Variants in PKNOX1 observed in about 807,000 individuals in gnomAD.
PKNOX1 encodes PBX/knotted 1 homeobox 1, also known as homeobox protein PKNOX1.
In PKNOX1, 15 loss-of-function variants were observed where a neutral mutation model predicts 51.9. That is an observed-to-expected ratio of 0.29 (90% CI 0.19 to 0.45). PKNOX1 has a LOEUF of 0.45. Ranked by LOEUF, PKNOX1 falls within the 20% of genes least tolerant of loss-of-function variation. The probability of loss-of-function intolerance (pLI) is 1.00; values close to 1 mark genes in which losing one functional copy is unlikely to be tolerated. For synonymous variants in PKNOX1, 219 were observed against 211.1 expected, an observed-to-expected ratio of 1.04 and a Z score of -0.32; for missense variants, 462 against 547.5, an observed-to-expected ratio of 0.84 and a Z score of 1.56.
intron 9 of PKNOX1, 93 bp from the exon 10 acceptor site, chr21:43,028,609 G>C (rs760138277): frequency 3.4e-6 from 4 of 1,175,362 alleles, no homozygotes; most frequent in Non-Finnish European, 5.0e-6. Context: ...AGCGTGCTTC[G>C]TAGAGCAGCG....
chr21:43,022,401 G>A (rs1331723092), intron 8 of PKNOX1, among the ~76,000 whole-genome samples: 2 of 152,164 alleles, frequency 1.3e-5, no homozygotes, highest in African/African-American at 4.8e-5. Context: ...TGGCTGCCTC[G>A]GGCTCCTCAG....
At chr21:43,014,769 C>G (rs1601295231) in intron 5 of PKNOX1, among the ~76,000 whole-genome samples, 1 of 152,210 alleles carries the variant, frequency 6.6e-6, no homozygotes, top group Admixed American at 6.5e-5. Context: ...GTGGATTTCT[C>G]TATAGAATAA....
In PKNOX1 at chr21:43,010,062, A is replaced by G; in HGVS notation, c.189A>G (p.Leu63=). The change falls in exon 4 of 11, where the codon CTA becomes CTG. Residue 63 remains leucine, a synonymous_variant. Transcript: ENST00000291547. ...TTTCTTTTCTCCTCAGGCATCCACT[A>G]TTTCCATTATTAGCTTTGTTGTTTG... ...VDKQAIYRHP[L]FPLLALLFEK... is the part of the protein sequence containing the mutation. 1 of 1,555,874 alleles carries G rather than the reference A, an allele frequency of 6.4e-7. No individual in the cohort carries two copies. Among genetic ancestry groups the G allele is most frequent in the Non-Finnish European group, 8.7e-7 (1 of 1,155,082 alleles).
chr21:43,008,075 A>T (rs1979079844), intron 3 of PKNOX1, among the ~76,000 whole-genome samples: 1 of 151,860 alleles, frequency 6.6e-6, no homozygotes, highest in Non-Finnish European at 1.5e-5. Flanking sequence ...ACACACACAC[A>T]CACACACACA....
chr21:43,010,310 C>T (rs1245152622), intron 4 of PKNOX1, 86 bp downstream of exon 4: 20 of 694,486 alleles, frequency 2.9e-5, no homozygotes, highest in Non-Finnish European at 4.4e-5. Flanking sequence ...CTTTAGACTG[C>T]TTGTAGTTCT....
chr21:43,012,880 A>G lies in PKNOX1; in HGVS notation c.352-188A>G, dbSNP rs547472798. On this transcript the variant is annotated intron_variant, in intron 4 of 10. Coordinates refer to ENST00000291547, the MANE Select transcript of PKNOX1 (RefSeq NM_004571.5). ...TCTTCCCTGCACACCAGATGCAGCC[A>G]AACACCAAAGCCCAGGTCAGTGGCA... Among the ~76,000 whole-genome samples, 11 of 152,302 alleles carry G rather than the reference A, an allele frequency of 7.2e-5. No homozygotes were observed. In the East Asian group the frequency reaches 1.9e-3, roughly 27 times the overall value.
chr21:43,018,683 C>T (rs998091941), intron 7 of PKNOX1, among the ~76,000 whole-genome samples: 6 of 152,082 alleles, frequency 3.9e-5, no homozygotes, highest in Non-Finnish European at 7.4e-5. Flanking sequence ...ATGACAATGT[C>T]ATTGGGCCAG....
rs572029406 is a variant in PKNOX1 at position 43,024,182 on chromosome 21, G to A, written c.850-689G>A. On this transcript the variant is annotated intron_variant, in intron 8 of 10. Coordinates refer to ENST00000291547, the MANE Select transcript of PKNOX1 (RefSeq NM_004571.5). ...GAGATCTCACCCCAGGAAAGCCGTC[G>A]ATGGCATCAGCTTATCCCAGTGTCA... Among the ~76,000 whole-genome samples the A allele has an allele frequency of 4.6e-5, 7 of 152,228 alleles. No individual in the cohort carries two copies. The South Asian group carries it at 1.5e-3, about 32-fold the overall frequency.
intron 5 of PKNOX1, among the ~76,000 whole-genome samples, chr21:43,014,065 A>G (rs947939654): frequency 3.2e-5 from 4 of 123,462 alleles, no homozygotes; most frequent in Admixed American, 1.0e-4. Flanking sequence ...TCCATCACCC[A>G]GGCTGGAGTG....
intron 1 of PKNOX1, among the ~76,000 whole-genome samples, chr21:42,985,310 TTTTG>T (rs1208790578): frequency 3.9e-5 from 6 of 151,984 alleles, no homozygotes; most frequent in Non-Finnish European, 7.4e-5. Context: ...CTGTTCCTTT[TTTTG>T]TTTGTTTTTT....
chr21:43,021,563 T>TG lies in PKNOX1; in HGVS notation c.849+133dup. ...GCCTGACTTTCAGGACTTTGTGGCA[T>TG]GTCCATAATGTGGGGAGCGTGGGGC... On this transcript the variant is annotated intron_variant, in intron 8 of 10. Coordinates refer to ENST00000291547, the MANE Select transcript of PKNOX1 (RefSeq NM_004571.5). This position sits in a 1 kb window ranked among gnomAD's most constrained non-coding sequence, Gnocchi z 4.6. 9.1e-7 allele frequency: 1 copy of TG among 1,095,448 alleles called. No individual in the cohort carries two copies. The highest frequency in any genetic ancestry group is 1.3e-6 in the Non-Finnish European group (1 of 780,854). The allele number at this position is 1,095,448 out of a possible 1,614,324, so 67.9% of individuals were successfully genotyped here. A position where few individuals can be genotyped will look rare whatever the true frequency, so the allele number is the denominator to read the frequency against.
chr21:43,023,065 G>A (rs555991318), intron 8 of PKNOX1, among the ~76,000 whole-genome samples: 8 of 151,920 alleles, frequency 5.3e-5, no homozygotes, highest in African/African-American at 1.2e-4. Context: ...CCTGTGGGGC[G>A]TCCTCAGTCC....
chr21:43,001,307 G>C (rs1431731412), intron 1 of PKNOX1, among the ~76,000 whole-genome samples: 1 of 152,228 alleles, frequency 6.6e-6, no homozygotes, highest in Non-Finnish European at 1.5e-5. Context: ...CGTGTTGCAA[G>C]GGTGTACCTG....
rs767917381 is a variant in PKNOX1 at position 43,021,491 on chromosome 21, T to A, written c.849+60T>A. ...CCTCTGCGACGCTTGCTCTCTGGCT[T>A]ATGTGTCATGGAAAAGGGTTACTTC... On this transcript the variant is annotated intron_variant, in intron 8 of 10. Coordinates refer to ENST00000291547, the MANE Select transcript of PKNOX1 (RefSeq NM_004571.5). This position sits in a 1 kb window ranked among gnomAD's most constrained non-coding sequence, Gnocchi z 4.6. 2.1e-5 allele frequency: 32 copies of A among 1,511,490 alleles called. No homozygotes were observed. The highest frequency in any genetic ancestry group is 2.8e-5 in the Non-Finnish European group (32 of 1,125,400). 93.6% of individuals were successfully genotyped at this position (1,511,490 alleles called of 1,614,324 possible).
chr21:42,987,404 A>AAAAAAAAAAAAAATAT, intron 1 of PKNOX1, among the ~76,000 whole-genome samples: 2 of 41,410 alleles, frequency 4.8e-5, no homozygotes, highest in African/African-American at 1.9e-4. Flanking sequence ...AAAAAAAAAA[A>AAAAAAAAAAAAAATAT]ATATATATAT....
At chr21:42,984,890 G>A (rs1002692866) in intron 1 of PKNOX1, among the ~76,000 whole-genome samples, 1 of 103,960 alleles carries the variant, frequency 9.6e-6, no homozygotes, top group Non-Finnish European at 2.0e-5. Flanking sequence ...AGTGCTGTGT[G>A]CCCAGTGTAG....
At chr21:42,985,363 C>A (rs1389920934) in intron 1 of PKNOX1, among the ~76,000 whole-genome samples, 1 of 152,042 alleles carries the variant, frequency 6.6e-6, no homozygotes, top group African/African-American at 2.4e-5. Context: ...GAGACGGAGT[C>A]TCACTCTGTC....
chr21:43,013,739 G>C (rs554776442), intron 5 of PKNOX1, among the ~76,000 whole-genome samples: 2 of 152,052 alleles, frequency 1.3e-5, no homozygotes, highest in African/African-American at 2.4e-5. Context: ...CCGTTCTACT[G>C]TCTGTCTCTG....
At chr21:43,006,925 A>G (rs1979014443) in intron 2 of PKNOX1, among the ~76,000 whole-genome samples, 1 of 152,216 alleles carries the variant, frequency 6.6e-6, no homozygotes, top group South Asian at 2.1e-4. Flanking sequence ...CTAAATGACA[A>G]AGGCATTGCT....
Sources: gnomAD v4.1 joint callset for allele counts (sites outside exome capture counted in the v4.1 genomes callset) on GRCh38, gnomAD v4.1.1 for gene constraint, Gnocchi (gnomAD v3.1) non-coding constraint, MANE v1.5 for transcripts, NCBI Gene and HGNC (gene_info 2026-07-23, HGNC 2026-07-21) for gene names.